Variants in PLS1 observed in about 807,000 individuals in gnomAD.
The protein encoded by PLS1 is plastin-1.
A neutral mutation model predicts 73.7 loss-of-function variants in PLS1; 32 were observed. The observed-to-expected ratio is 0.43, with a 90% CI of 0.33 to 0.58. The LOEUF is 0.58. Among genes scored for constraint, PLS1 ranks in the 20% least tolerant of loss-of-function variants. The pLI is 0.04. For synonymous variants in PLS1, 217 were observed against 261.3 expected, an observed-to-expected ratio of 0.83 and a Z score of 1.63; for missense variants, 633 against 740.5, an observed-to-expected ratio of 0.85 and a Z score of 1.68.
chr3:142,640,479 A>G (rs2036807377), intron 1 of PLS1, among the ~76,000 whole-genome samples: 1 of 152,206 alleles, frequency 6.6e-6, no homozygotes, highest in Non-Finnish European at 1.5e-5. Context: ...AGGCTCAGTG[A>G]GTTCCTTTGA....
intron 1 of PLS1, among the ~76,000 whole-genome samples, chr3:142,625,268 T>C (rs965285964): frequency 6.6e-6 from 1 of 152,160 alleles, no homozygotes; most frequent in Non-Finnish European, 1.5e-5. Flanking sequence ...TAAGTGCTGA[T>C]TTTAAGGCAC....
rs1197507438 is a variant in PLS1, at chr3:142,652,952, G to T, written c.-36-11250G>T. Among the ~76,000 whole-genome samples, 4 of 152,278 alleles carry T rather than the reference G, an allele frequency of 2.6e-5. No individual in the cohort carries two copies. The East Asian group carries it at 7.7e-4, about 29-fold the overall frequency. On this transcript the variant is annotated intron_variant, in intron 1 of 15. Transcript: ENST00000457734. Reference sequence around the variant, plus strand: ...TAAAGTCAGAGCTGTGGTGCCAGCAGCTTTGATTTCAGTATGTTGTCTTTC... The same window carrying T: ...TAAAGTCAGAGCTGTGGTGCCAGCATCTTTGATTTCAGTATGTTGTCTTTC...
At chr3:142,648,711 T>C (rs2037013284) in intron 1 of PLS1, among the ~76,000 whole-genome samples, 1 of 152,352 alleles carries the variant, frequency 6.6e-6, no homozygotes, top group South Asian at 2.1e-4. Flanking sequence ...TCTGACCATA[T>C]ATAAAAATGC....
intron 6 of PLS1, among the ~76,000 whole-genome samples, chr3:142,678,760 T>G (rs965155338): frequency 2.6e-5 from 4 of 151,658 alleles, no homozygotes; most frequent in Non-Finnish European, 4.4e-5. Context: ...TATAGCAGCA[T>G]GATTTATAGT....
chr3:142,619,375 C>G (rs982435688), intron 1 of PLS1: 1 of 152,194 alleles, frequency 6.6e-6, no homozygotes, highest in Admixed American at 6.5e-5. Flanking sequence ...GCACTTCCAG[C>G]TGCTTGGTGT....
chr3:142,657,892 G>T (rs1477920745), intron 1 of PLS1, among the ~76,000 whole-genome samples: 1 of 152,186 alleles, frequency 6.6e-6, no homozygotes, highest in Non-Finnish European at 1.5e-5. Flanking sequence ...CAAGATTGAA[G>T]TAGTTAAGTT....
At chr3:142,659,675 T>C (rs1397601938) in intron 1 of PLS1, among the ~76,000 whole-genome samples, 2 of 151,126 alleles carry the variant, frequency 1.3e-5, no homozygotes, top group Non-Finnish European at 1.5e-5. Flanking sequence ...CTTTTTTCTT[T>C]TTTTTTTTTT....
chr3:142,650,086 A>G (rs369201178), intron 1 of PLS1, among the ~76,000 whole-genome samples: 234 of 152,096 alleles, frequency 1.5e-3, no homozygotes, highest in African/African-American at 4.9e-3. Flanking sequence ...AATTGTTTTG[A>G]GTAACCACCA....
Position 142,601,682 on chromosome 3 carries a change from TA to T in PLS1, c.-37+5181del, listed in dbSNP as rs77228125. 3.2e-3 allele frequency among the ~76,000 whole-genome samples: 492 copies of T among 152,190 alleles called. 11 individuals are homozygous for T. Among genetic ancestry groups the T allele is most frequent in the Non-Finnish European group, 6.0e-4 (41 of 68,004 alleles). On this transcript the variant is annotated intron_variant, in intron 1 of 15. Coordinates refer to ENST00000457734, the MANE Select transcript of PLS1 (RefSeq NM_001145319.2). ...GTGTGGACCAACGTGCCCGGCTTAT[TA>T]AAAAAAATTTTTTTATAGTGATAAG...
At chr3:142,662,870 C>T (rs1001240601) in intron 1 of PLS1, among the ~76,000 whole-genome samples, 3 of 152,106 alleles carry the variant, frequency 2.0e-5, no homozygotes, top group African/African-American at 7.2e-5. Context: ...ATTGTATGGT[C>T]ACATTGTTCT....
rs549040379 is a variant in PLS1, at chr3:142,610,584, G to A, written c.-37+14075G>A. On this transcript the variant is annotated intron_variant, in intron 1 of 15. Transcript: ENST00000457734. ...CCTGTGTTTTTGTGATTCTAATATTGTCTTAAAATGGATATATTTGATGAA... is the reference window on the plus strand; with the variant it reads ...CCTGTGTTTTTGTGATTCTAATATTATCTTAAAATGGATATATTTGATGAA... Among the ~76,000 whole-genome samples, 176 of 152,032 alleles carry A rather than the reference G, an allele frequency of 1.2e-3. 1 individual carries two copies. Among genetic ancestry groups the A allele is most frequent in the African/African-American group, 4.1e-3 (172 of 41,446 alleles).
At chr3:142,663,463 C>A (rs1179218663) in intron 1 of PLS1, among the ~76,000 whole-genome samples, 1 of 151,956 alleles carries the variant, frequency 6.6e-6, no homozygotes, top group Non-Finnish European at 1.5e-5. Flanking sequence ...TTTCGAAGGC[C>A]AAGACAGGAG....
intron 1 of PLS1, among the ~76,000 whole-genome samples, chr3:142,633,613 G>A (rs1481428496): frequency 1.3e-5 from 2 of 152,090 alleles, no homozygotes; most frequent in East Asian, 1.9e-4. Context: ...CTGAGATTGC[G>A]CCATTGCACT....
At chr3:142,708,281 C>G (rs925318212) in intron 14 of PLS1, among the ~76,000 whole-genome samples, 2 of 152,156 alleles carry the variant, frequency 1.3e-5, no homozygotes, top group Non-Finnish European at 2.9e-5. Context: ...GAGTCTTGCT[C>G]TGTCACCCAG....
chr3:142,704,904 C>T (rs1024868716), intron 14 of PLS1, among the ~76,000 whole-genome samples: 38 of 151,300 alleles, frequency 2.5e-4, no homozygotes, highest in Non-Finnish European at 4.0e-4. Flanking sequence ...GTGATCCGCC[C>T]GCCTCAGCCT....
At chr3:142,598,764 G>A (rs2035857626) in intron 1 of PLS1, among the ~76,000 whole-genome samples, 1 of 152,160 alleles carries the variant, frequency 6.6e-6, no homozygotes, top group Non-Finnish European at 1.5e-5. Context: ...TTGGGAGGCC[G>A]AGGTGGGTGG....
chr3:142,706,834 G>T (rs2038471973), intron 14 of PLS1, among the ~76,000 whole-genome samples: 1 of 152,044 alleles, frequency 6.6e-6, no homozygotes. Flanking sequence ...TTTGGGCATG[G>T]GTAACCGGAA....
chr3:142,670,932 T>C (rs2037592021), intron 3 of PLS1, 61 bp from the exon 4 acceptor site: 1 of 1,129,880 alleles, frequency 8.9e-7, no homozygotes, highest in Non-Finnish European at 1.3e-6. Flanking sequence ...TAAATAAATA[T>C]CCATTTTGTC....
intron 1 of PLS1, among the ~76,000 whole-genome samples, chr3:142,621,733 A>T (rs147574694): frequency 1.6e-3 from 242 of 152,322 alleles, no homozygotes; most frequent in African/African-American, 5.7e-3. Context: ...CTTTTCAACA[A>T]TCAGAAAATA....
Sources: gnomAD v4.1 joint callset for allele counts (sites outside exome capture counted in the v4.1 genomes callset) on GRCh38, gnomAD v4.1.1 for gene constraint, MANE v1.5 for transcripts, NCBI Gene and HGNC (gene_info 2026-07-23, HGNC 2026-07-21) for gene names.